The following CDHR2 variants were observed in gnomAD, a reference collection of about 807,000 sequenced individuals.
CDHR2 encodes cadherin-related family member 2.
In CDHR2, 104 loss-of-function variants were observed where a neutral mutation model predicts 138.6. The observed-to-expected ratio is 0.75, with a 90% CI of 0.64 to 0.88. The LOEUF is 0.88. Ranked by LOEUF, CDHR2 falls within the 40% of genes least tolerant of loss-of-function variation. CDHR2 has a pLI of 0.00. For synonymous variants in CDHR2, 755 were observed against 742.8 expected (o/e 1.02, Z -0.27); for missense variants, 1,624 against 1,727.6 (o/e 0.94, Z 1.06).
chr5:176,545,560 T>C (rs1443204083), upstream of CDHR2, among the ~76,000 whole-genome samples: 7 of 152,242 alleles, frequency 4.6e-5, no homozygotes, highest in African/African-American at 7.2e-5. Flanking sequence ...ACTTACTCTG[T>C]GCTAAGTGCT....
chr5:176,577,536 G>A lies in CDHR2; in HGVS notation c.1332G>A (p.Gln444=), dbSNP rs1387001539. The A allele has an allele frequency of 6.2e-7, 1 of 1,613,584 alleles. No homozygotes were observed. The highest frequency in any genetic ancestry group is 8.5e-7 in the Non-Finnish European group (1 of 1,179,878). The change falls in exon 13 of 32, where the codon CAG becomes CAA. Residue 444 remains glutamine, a synonymous_variant. Transcript: ENST00000261944. ...RVSALVDYER[Q]TAMAVQVVAT... The stretch of plus-strand genomic sequence containing the variant: ...CCGCGCTGGTGGACTACGAGAGGCA[G>A]ACGGCGATGGCGGTGCAGGTGAGGG...
rs180719313 is a variant in CDHR2, at chr5:176,551,958, A to G, written c.-16+2544A>G. On this transcript the variant is annotated intron_variant, in intron 1 of 31. Transcript: ENST00000261944. The stretch of plus-strand genomic sequence containing the variant: ...CTCGATCTCCTGACCCCGACCCCGT[A>G]ATCGGCCCGCCAAAGTGCTGGGATT... 5.3e-3 allele frequency among the ~76,000 whole-genome samples: 800 copies of G among 151,942 alleles called. 3 individuals are homozygous for G. Among genetic ancestry groups the G allele is most frequent in the Admixed American group, 7.8e-3 (119 of 15,246 alleles).
At chr5:176,570,722 C>T (rs1276160838) in intron 5 of CDHR2, among the ~76,000 whole-genome samples, 2 of 152,140 alleles carry the variant, frequency 1.3e-5, no homozygotes, top group African/African-American at 2.4e-5. Flanking sequence ...GACGCCAAGG[C>T]GGGCAGATCA....
intron 1 of CDHR2, among the ~76,000 whole-genome samples, chr5:176,556,137 T>C (rs1027400123): frequency 6.6e-6 from 1 of 152,228 alleles, no homozygotes; most frequent in African/African-American, 2.4e-5. Flanking sequence ...ATCTCTCATA[T>C]TGTTTGTGCT....
intron 1 of CDHR2, among the ~76,000 whole-genome samples, chr5:176,552,184 A>T (rs574988881): frequency 4.6e-5 from 7 of 152,270 alleles, no homozygotes; most frequent in African/African-American, 1.7e-4. Flanking sequence ...CTCGGTTTCC[A>T]TTTGTGCCTT....
chr5:176,565,351 T>A lies in CDHR2; in HGVS notation c.-2T>A, dbSNP rs1758054921. On this transcript the variant is annotated 5_prime_UTR_variant, in exon 2 of 32. Coordinates refer to ENST00000261944, the MANE Select transcript of CDHR2 (RefSeq NM_017675.6). Reference sequence around the variant, plus strand: ...CTCTTCCCTTAGGTCCCTGCGGATGTGATGGCCCAGCTATGGCTGTCCTGC... The same window carrying A: ...CTCTTCCCTTAGGTCCCTGCGGATGAGATGGCCCAGCTATGGCTGTCCTGC... The A allele has an allele frequency of 6.2e-7, 1 of 1,613,848 alleles. No homozygotes were observed. The highest frequency in any genetic ancestry group is 1.7e-5 in the Admixed American group (1 of 59,996).
At chr5:176,557,016 C>CT (rs1193465092) in intron 1 of CDHR2, among the ~76,000 whole-genome samples, 5 of 55,424 alleles carry the variant, frequency 9.0e-5, no homozygotes, top group African/African-American at 3.3e-4. Context: ...CTCTCTCTCT[C>CT]TTTTTTTTTT....
At chr5:176,595,395 G>A (rs922225348) in intron 31 of CDHR2, 137 bp from the exon 32 acceptor site, 2 of 918,026 alleles carry the variant, frequency 2.2e-6, no homozygotes, top group Admixed American at 2.7e-5. Context: ...CTGGACCAGA[G>A]GCCCCAGGAG....
At chr5:176,575,230 G>T (rs1758340164) in intron 8 of CDHR2, 21 bp downstream of exon 8, 1 of 1,614,120 alleles carries the variant, frequency 6.2e-7, no homozygotes, top group Non-Finnish European at 8.5e-7. Flanking sequence ...GTGCCGGCAG[G>T]CGGGCCTAGG....
Position 176,590,422 on chromosome 5 carries a change from C to T in CDHR2, c.3354-3C>T. 4 of 1,614,060 alleles carry T rather than the reference C, an allele frequency of 2.5e-6. No homozygotes were observed. Among genetic ancestry groups the T allele is most frequent in the Middle Eastern group, 1.6e-4 (1 of 6,062 alleles). On this transcript the variant is annotated splice_polypyrimidine_tract_variant and splice_region_variant and intron_variant, in intron 26 of 31. Transcript: ENST00000261944. Reference sequence around the variant, plus strand: ...TCGGGCCTAAGTGGAGTTCTGTGGCCAGGATGATCCGGAATGATCAGGACT... The same window carrying T: ...TCGGGCCTAAGTGGAGTTCTGTGGCTAGGATGATCCGGAATGATCAGGACT...
At chr5:176,545,518 C>T (rs759259901), upstream of CDHR2, among the ~76,000 whole-genome samples, 14 of 152,246 alleles carry the variant, frequency 9.2e-5, no homozygotes, top group Non-Finnish European at 1.2e-4. Flanking sequence ...TGATGTGTAT[C>T]TAAACTGTCG....
chr5:176,557,605 G>A (rs113457865), intron 1 of CDHR2, among the ~76,000 whole-genome samples: 12,471 of 124,300 alleles, frequency 0.1, 757 homozygotes, highest in East Asian at 0.18. Context: ...TTGCTCTGTC[G>A]CCCGGGCTGG....
At chr5:176,559,979 C>T (rs1269908788) in intron 1 of CDHR2, among the ~76,000 whole-genome samples, 1 of 152,148 alleles carries the variant, frequency 6.6e-6, no homozygotes, top group Non-Finnish European at 1.5e-5. Flanking sequence ...GGTTGGTTTG[C>T]ATAGGAGAGG....
At chr5:176,551,701 CTTTTTTT>C (rs34996600) in intron 1 of CDHR2, among the ~76,000 whole-genome samples, 3 of 114,284 alleles carry the variant, frequency 2.6e-5, no homozygotes, top group East Asian at 2.7e-4. Context: ...CAAGAGTTCT[CTTTTTTT>C]TTTTTTTTTT....
At chr5:176,575,031 C>G in intron 7 of CDHR2, 53 bp from the exon 8 acceptor site, 1 of 1,604,916 alleles carries the variant, frequency 6.2e-7, no homozygotes, top group Non-Finnish European at 8.5e-7. Context: ...AGAGTGGGGT[C>G]CTCGGTGCAG....
In CDHR2 at chr5:176,577,431, G is replaced by A. The variant is rs952448532; in HGVS notation, c.1227G>A (p.Gly409=). 3.1e-6 allele frequency: 5 copies of A among 1,609,756 alleles called. No homozygotes were observed. In the Admixed American group the frequency reaches 5.1e-5, roughly 16 times the overall value. Residue 409 remains glycine, a synonymous_variant, in exon 13 of 32, where the codon GGG becomes GGA. Transcript: ENST00000261944. Reference sequence around the variant, plus strand: ...ATGGCACCTTCCTGTTGTCGCTGGGGGGCCCCGATGCAGAAGCCTTCAGCG... The same window carrying A: ...ATGGCACCTTCCTGTTGTCGCTGGGAGGCCCCGATGCAGAAGCCTTCAGCG... ...GSNGTFLLSL[G]GPDAEAFSVS...
At chr5:176,592,589 ATGG>A (rs752942342) in intron 30 of CDHR2, 131 bp from the exon 31 acceptor site, 30 of 708,730 alleles carry the variant, frequency 4.2e-5, no homozygotes, top group East Asian at 5.3e-5. Context: ...AGTTGTGATG[ATGG>A]TGGTGGTGGT....
chr5:176,544,443 C>CTT (rs771404606), upstream of CDHR2, among the ~76,000 whole-genome samples: 1 of 12,786 alleles, frequency 7.8e-5, no homozygotes. Flanking sequence ...TTCTTTCTTT[C>CTT]TCTCTTTCCT....
At chr5:176,551,893 T>C (rs1444052863) in intron 1 of CDHR2, among the ~76,000 whole-genome samples, 4 of 151,790 alleles carry the variant, frequency 2.6e-5, no homozygotes, top group Non-Finnish European at 5.9e-5. Context: ...TTGGGGAACT[T>C]TTAGTAGAGA....
Sources: gnomAD v4.1 joint callset for allele counts (sites outside exome capture counted in the v4.1 genomes callset) on GRCh38, gnomAD v4.1.1 for gene constraint, MANE v1.5 for transcripts, NCBI Gene and HGNC (gene_info 2026-07-23, HGNC 2026-07-21) for gene names.